The following SLC17A1 variants were observed in gnomAD, a reference collection of about 807,000 sequenced individuals.
SLC17A1 encodes the protein sodium-dependent phosphate transport protein 1.
Under a neutral mutation model 53.5 loss-of-function variants are expected in SLC17A1, and 51 were observed. That is an observed-to-expected ratio of 0.95 (90% CI 0.76 to 1.20). The LOEUF (loss-of-function observed/expected upper bound fraction) is 1.20. Among genes scored for constraint, SLC17A1 ranks in the 50% most tolerant of loss-of-function variants. The pLI is 0.00. For synonymous variants in SLC17A1, 179 were observed against 198.8 expected, an observed-to-expected ratio of 0.90 and a Z score of 0.84; for missense variants, 538 against 568.2, an observed-to-expected ratio of 0.95 and a Z score of 0.54.
intron 12 of SLC17A1, among the ~76,000 whole-genome samples, chr6:25,795,704 A>G (rs1054972139): frequency 7.9e-5 from 12 of 152,058 alleles, no homozygotes; most frequent in African/African-American, 2.9e-4. Flanking sequence ...GTGGAATTTA[A>G]AGGCAATGCA....
chr6:25,742,661 G>A, the SLC17A1 span, among the ~76,000 whole-genome samples: 1 of 152,036 alleles, frequency 6.6e-6, no homozygotes, highest in Admixed American at 6.6e-5. Context: ...AAATTTAGTC[G>A]GGTGTGGTGG....
At chr6:25,820,252 T>G (rs1447231887) in intron 3 of SLC17A1, among the ~76,000 whole-genome samples, 2 of 152,182 alleles carry the variant, frequency 1.3e-5, no homozygotes, top group Non-Finnish European at 2.9e-5. Context: ...ATTTAAATAG[T>G]TAATTTCCTG....
At chr6:25,808,038 C>T (rs1764019155) in intron 10 of SLC17A1, among the ~76,000 whole-genome samples, 1 of 152,130 alleles carries the variant, frequency 6.6e-6, no homozygotes, top group South Asian at 2.1e-4. Context: ...TAAGGAATCT[C>T]CACACTGTCT....
the SLC17A1 span, among the ~76,000 whole-genome samples, chr6:25,770,624 T>C: frequency 6.6e-6 from 1 of 152,238 alleles, no homozygotes; most frequent in Non-Finnish European, 1.5e-5. Flanking sequence ...TGATTGTAAC[T>C]GAATAAACTG....
chr6:25,731,841 G>C, the SLC17A1 span: 1 of 1,602,566 alleles, frequency 6.2e-7, no homozygotes, highest in African/African-American at 1.3e-5. Flanking sequence ...AACGTGCTTG[G>C]CTAGTTCCCC....
At chr6:25,816,143 G>A (rs1400762065) in intron 6 of SLC17A1, among the ~76,000 whole-genome samples, 1 of 151,906 alleles carries the variant, frequency 6.6e-6, no homozygotes, top group Non-Finnish European at 1.5e-5. Flanking sequence ...GAAGCCAAAG[G>A]GAAAAAAATG....
At chr6:25,731,687 T>C in the SLC17A1 span, 6 of 839,448 alleles carry the variant, frequency 7.1e-6, no homozygotes, top group Non-Finnish European at 1.1e-5. Context: ...GCATACTCTA[T>C]AATAAAATAA....
chr6:25,824,192 A>G (rs1357177258), intron 3 of SLC17A1, among the ~76,000 whole-genome samples: 1 of 151,938 alleles, frequency 6.6e-6, no homozygotes, highest in East Asian at 1.9e-4. Context: ...TCTTATATGC[A>G]ACAACAAAAG....
the SLC17A1 span, among the ~76,000 whole-genome samples, chr6:25,741,897 A>T: frequency 6.6e-6 from 1 of 152,066 alleles, no homozygotes; most frequent in Non-Finnish European, 1.5e-5. Flanking sequence ...AAAAATGTAT[A>T]CAAAATATCA....
the SLC17A1 span, chr6:25,770,899 C>T: frequency 6.3e-7 from 1 of 1,589,154 alleles, no homozygotes; most frequent in East Asian, 2.2e-5. Flanking sequence ...TCCTCTCACC[C>T]AGAACATCCT....
the SLC17A1 span, chr6:25,726,595 T>C: frequency 6.5e-6 from 10 of 1,531,066 alleles, no homozygotes; most frequent in South Asian, 1.1e-4. Flanking sequence ...CTATTTATAG[T>C]CTGACTGAGG....
intron 12 of SLC17A1, among the ~76,000 whole-genome samples, chr6:25,794,703 C>T (rs551651397): frequency 5.9e-5 from 9 of 152,184 alleles, no homozygotes; most frequent in Middle Eastern, 3.4e-3. Flanking sequence ...CCGGTACATT[C>T]GAAGGGAAGA....
At chr6:25,759,796 A>G in the SLC17A1 span, among the ~76,000 whole-genome samples, 2 of 152,228 alleles carry the variant, frequency 1.3e-5, no homozygotes, top group Non-Finnish European at 2.9e-5. Context: ...TGAAGACTAT[A>G]GATACTTGGT....
chr6:25,745,990 A>G, the SLC17A1 span, among the ~76,000 whole-genome samples: 1,460 of 152,356 alleles, frequency 9.6e-3, 21 homozygotes, highest in African/African-American at 0.032. Flanking sequence ...ACTTGGAAGT[A>G]AATTCACATA....
chr6:25,761,594 A>T, the SLC17A1 span, among the ~76,000 whole-genome samples: 1 of 152,214 alleles, frequency 6.6e-6, no homozygotes, highest in Non-Finnish European at 1.5e-5. Context: ...TGAAATTTCA[A>T]ATAAGGTTGT....
intron 11 of SLC17A1, among the ~76,000 whole-genome samples, chr6:25,800,186 A>G (rs1763712762): frequency 6.6e-6 from 1 of 151,296 alleles, no homozygotes; most frequent in African/African-American, 2.4e-5. Context: ...TTCCATTCTG[A>G]CTCTTCTTAT....
At chr6:25,762,416 C>T in the SLC17A1 span, among the ~76,000 whole-genome samples, 17 of 152,206 alleles carry the variant, frequency 1.1e-4, no homozygotes, top group Middle Eastern at 6.8e-3. Flanking sequence ...CAGACCTGAC[C>T]CCGAACCCCA....
At chr6:25,760,271 T>C in the SLC17A1 span, among the ~76,000 whole-genome samples, 1 of 152,192 alleles carries the variant, frequency 6.6e-6, no homozygotes, top group African/African-American at 2.4e-5. Flanking sequence ...TTTTTACCAA[T>C]TTACTGTATT....
chr6:25,786,345 C>T (rs748916459), intron 12 of SLC17A1, among the ~76,000 whole-genome samples: 3 of 152,162 alleles, frequency 2.0e-5, no homozygotes, highest in Non-Finnish European at 2.9e-5. Flanking sequence ...CAGCTGTTGG[C>T]TTTCCTGAGG....
Sources: gnomAD v4.1 joint callset for allele counts (sites outside exome capture counted in the v4.1 genomes callset) on GRCh38, gnomAD v4.1.1 for gene constraint, MANE v1.5 for transcripts, NCBI Gene and HGNC (gene_info 2026-07-23, HGNC 2026-07-21) for gene names.